PNLDC1: variants seen among roughly 807,000 people sequenced by gnomAD.
The protein encoded by PNLDC1 is PARN like ribonuclease domain containing exonuclease 1, also known as poly(A)-specific ribonuclease PNLDC1.
Under a neutral mutation model 82.0 loss-of-function variants are expected in PNLDC1, and 70 were observed. The ratio of observed to expected loss-of-function variants is 0.85; its 90% CI spans 0.70 to 1.04. The LOEUF is 1.04. Ranked by LOEUF, PNLDC1 falls within the 50% of genes least tolerant of loss-of-function variation. The probability of loss-of-function intolerance (pLI) is 0.00; values close to 1 mark genes in which losing one functional copy is unlikely to be tolerated. For missense variants in PNLDC1, 631 were observed against 661.1 expected, an observed-to-expected ratio of 0.95 and a Z score of 0.50; for synonymous variants, 280 against 249.3, an observed-to-expected ratio of 1.12 and a Z score of -1.16.
chr6:159,818,836 C>G (rs1781934452), intron 16 of PNLDC1, 110 bp from the exon 17 acceptor site: 1 of 1,329,236 alleles, frequency 7.5e-7, no homozygotes, highest in African/African-American at 1.5e-5. Flanking sequence ...TCCTTCTCTT[C>G]CCCTCCCTGC....
At chr6:159,818,391 C>T (rs1187710330) in intron 15 of PNLDC1, among the ~76,000 whole-genome samples, 164 bp from the exon 16 acceptor site, 2 of 152,186 alleles carry the variant, frequency 1.3e-5, no homozygotes, top group Non-Finnish European at 2.9e-5. Flanking sequence ...GACTTGCCAG[C>T]TGGGGAAGCA....
chr6:159,820,528 G>A lies in PNLDC1; in HGVS notation c.*11G>A, dbSNP rs750206747. On this transcript the variant is annotated 3_prime_UTR_variant, in exon 19 of 19. Coordinates refer to ENST00000392167, the MANE Select transcript of PNLDC1 (RefSeq NM_001271862.2). ...AGATCTGGTACCTGAGTGCAGCGAGGCCTCCTGCGGCCACCCTCGGGTCCC... is the reference window on the plus strand; with the variant it reads ...AGATCTGGTACCTGAGTGCAGCGAGACCTCCTGCGGCCACCCTCGGGTCCC... 27 of 1,613,728 alleles carry A rather than the reference G, an allele frequency of 1.7e-5. No individual in the cohort carries two copies. In the Admixed American group the frequency reaches 3.3e-4, roughly 20 times the overall value.
In PNLDC1 at chr6:159,819,596, C is replaced by T. The variant is rs1011819812; in HGVS notation, c.1532+244C>T. 6.6e-6 allele frequency among the ~76,000 whole-genome samples: 1 copy of T among 152,222 alleles called. No homozygotes were observed. The highest frequency in any genetic ancestry group is 1.5e-5 in the Non-Finnish European group (1 of 68,042). Reference sequence around the variant, plus strand: ...CAGTGAAGCAGAAAATCCCTGCTCTCGTGGAGCTCACGTGCTGGGGGAGAC... The same window carrying T: ...CAGTGAAGCAGAAAATCCCTGCTCTTGTGGAGCTCACGTGCTGGGGGAGAC... On this transcript the variant is annotated intron_variant, in intron 18 of 18. Coordinates refer to ENST00000392167, the MANE Select transcript of PNLDC1 (RefSeq NM_001271862.2). This position sits in a 1 kb window ranked among gnomAD's most constrained non-coding sequence, Gnocchi z 4.6.
At chr6:159,802,136 T>C (rs56015409) in intron 3 of PNLDC1, among the ~76,000 whole-genome samples, 1 of 152,090 alleles carries the variant, frequency 6.6e-6, no homozygotes, top group African/African-American at 2.4e-5. Flanking sequence ...TGCGTAATGC[T>C]GTTTCTTTTA....
chr6:159,810,021 A>C lies in PNLDC1; in HGVS notation c.784-5A>C. On this transcript the variant is annotated splice_region_variant and splice_polypyrimidine_tract_variant and intron_variant, in intron 9 of 18. Coordinates refer to ENST00000392167, the MANE Select transcript of PNLDC1 (RefSeq NM_001271862.2). ...TTCTCTCACCTGTTGATTTACTCCA[A>C]GTAGCCCTTAGTGGGACATAATATG... 1 of 1,612,852 alleles carries C rather than the reference A, an allele frequency of 6.2e-7. No homozygotes were observed. Among genetic ancestry groups the C allele is most frequent in the Non-Finnish European group, 8.5e-7 (1 of 1,178,836 alleles).
intron 4 of PNLDC1, among the ~76,000 whole-genome samples, chr6:159,803,589 C>G (rs966916895): frequency 2.0e-5 from 3 of 152,186 alleles, no homozygotes; most frequent in Non-Finnish European, 4.4e-5. Flanking sequence ...AATAAAAGCG[C>G]CTGACACAGT....
intron 12 of PNLDC1, among the ~76,000 whole-genome samples, chr6:159,814,521 G>A (rs1306767855): frequency 6.6e-6 from 1 of 152,028 alleles, no homozygotes; most frequent in African/African-American, 2.4e-5. Flanking sequence ...CACCCTACAT[G>A]ACCTATGGGC....
At position 159,811,793 on chromosome 6, in the gene PNLDC1, A is replaced by G; in HGVS notation, c.939+7A>G. The G allele has an allele frequency of 6.3e-7, 1 of 1,595,072 alleles. No individual in the cohort carries two copies. The highest frequency in any genetic ancestry group is 8.6e-7 in the Non-Finnish European group (1 of 1,162,882). ...AACAAAGGATATCTGGAAGGTAATGAATAGAACTGCTTTGGGTTAAGAACT... is the reference window on the plus strand; with the variant it reads ...AACAAAGGATATCTGGAAGGTAATGGATAGAACTGCTTTGGGTTAAGAACT... On this transcript the variant is annotated splice_region_variant and intron_variant, in intron 11 of 18. Transcript: ENST00000392167.
At chr6:159,814,526 A>G (rs1444349583) in intron 12 of PNLDC1, among the ~76,000 whole-genome samples, 1 of 151,992 alleles carries the variant, frequency 6.6e-6, no homozygotes, top group Non-Finnish European at 1.5e-5. Context: ...TACATGACCT[A>G]TGGGCACCTT....
At chr6:159,800,154 C>T, upstream of PNLDC1, 1 of 633,832 alleles carries the variant, frequency 1.6e-6, no homozygotes, top group Admixed American at 3.1e-5. Flanking sequence ...TGGGCGACGC[C>T]AGCAGCACAC....
At chr6:159,808,669 C>T (rs1002445140) in intron 7 of PNLDC1, 71 bp from the exon 8 acceptor site, 3 of 1,412,632 alleles carry the variant, frequency 2.1e-6, no homozygotes, top group South Asian at 1.2e-5. Context: ...TCTGCTCCTC[C>T]AGGGCTTCTC....
Position 159,813,525 on chromosome 6 carries a change from C to T in PNLDC1, c.940-76C>T. 1.3e-5 allele frequency: 17 copies of T among 1,324,306 alleles called. No homozygotes were observed. In the Admixed American group the frequency reaches 2.2e-4, roughly 17 times the overall value. The allele number at this position is 1,324,306 out of a possible 1,614,324, so 82.0% of individuals were successfully genotyped here. On this transcript the variant is annotated intron_variant, in intron 11 of 18. Transcript: ENST00000392167. The stretch of plus-strand genomic sequence containing the variant: ...AGCATTTTCCAGGCCATTTTAATGA[C>T]CATTTGGTACTGCCTGAAACAGAGA...
At chr6:159,811,563 T>TG (rs1456458266) in intron 10 of PNLDC1, 138 bp from the exon 11 acceptor site, 9 of 660,700 alleles carry the variant, frequency 1.4e-5, no homozygotes, top group Admixed American at 2.5e-5. Flanking sequence ...TGGCTAGGAT[T>TG]AATGGTGTTT....
chr6:159,804,496 G>T, intron 5 of PNLDC1, 53 bp from the exon 6 acceptor site: 4 of 1,235,884 alleles, frequency 3.2e-6, no homozygotes, highest in Non-Finnish European at 4.7e-6. Context: ...AGGCACAGAG[G>T]ATCCCTCTGA....
chr6:159,807,477 G>A (rs1781490019), intron 7 of PNLDC1, among the ~76,000 whole-genome samples: 2 of 152,298 alleles, frequency 1.3e-5, no homozygotes, highest in South Asian at 4.1e-4. Flanking sequence ...CAATCAACTG[G>A]AATTTTGAAG....
chr6:159,820,386 C>A (rs1583188314), intron 18 of PNLDC1, 68 bp from the exon 19 acceptor site: 1 of 1,493,792 alleles, frequency 6.7e-7, no homozygotes. Context: ...GGAGGAGGGG[C>A]AAGCCTGTGT....
intron 1 of PNLDC1, 111 bp downstream of exon 1, chr6:159,800,494 C>G: frequency 5.9e-6 from 8 of 1,356,186 alleles, no homozygotes; most frequent in Admixed American, 2.3e-5. Flanking sequence ...GAGAGGGCCT[C>G]GGGAAGGACA....
Position 159,820,456 on chromosome 6 carries a change from T to C in PNLDC1, c.1535T>C (p.Val512Ala). 6.2e-7 allele frequency: 1 copy of C among 1,613,952 alleles called. No individual in the cohort carries two copies. The highest frequency in any genetic ancestry group is 1.3e-5 in the African/African-American group (1 of 74,974). Residue 512 changes from valine (V) to alanine (A), a missense_variant and splice_region_variant, in exon 19 of 19, where the codon GTC (valine) becomes GCC (alanine). Transcript: ENST00000392167. ...TGACACGTGTCATTGTCTTGCAGAG[T>C]CTGTGGCATAGTGACTGCCTGGGCC... The part of the protein sequence containing the change: ...HSPNVNCLLQ[V>A]CGIVTAWALL...
intron 3 of PNLDC1, among the ~76,000 whole-genome samples, chr6:159,801,946 A>G (rs1472846574): frequency 1.3e-5 from 2 of 151,008 alleles, no homozygotes; most frequent in Non-Finnish European, 3.0e-5. Context: ...GGAGTGCAGT[A>G]GCGCGATGTG....
Sources: allele counts gnomAD v4.1 joint callset (sites outside exome capture counted in the v4.1 genomes callset), GRCh38; gene constraint gnomAD v4.1.1; non-coding constraint Gnocchi (gnomAD v3.1); transcripts MANE v1.5; gene names NCBI Gene and HGNC (gene_info 2026-07-23, HGNC 2026-07-21).